Variants in PIP4P2 observed in about 807,000 individuals in gnomAD.
The protein encoded by PIP4P2 is type 2 phosphatidylinositol 4,5-bisphosphate 4-phosphatase.
A neutral mutation model predicts 33.3 loss-of-function variants in PIP4P2; 19 were observed. That is an observed-to-expected ratio of 0.57 (90% CI 0.40 to 0.84). The LOEUF (loss-of-function observed/expected upper bound fraction) is 0.84. Ranked by LOEUF, PIP4P2 falls within the 40% of genes least tolerant of loss-of-function variation. The probability of loss-of-function intolerance (pLI) is 0.00; values close to 1 mark genes in which losing one functional copy is unlikely to be tolerated. For synonymous variants in PIP4P2, 110 were observed against 111.9 expected, an observed-to-expected ratio of 0.98 and a Z score of 0.11; for missense variants, 270 against 324.7, an observed-to-expected ratio of 0.83 and a Z score of 1.29.
In PIP4P2 at chr8:90,996,644, TA is replaced by T; in HGVS notation, c.630+9del. 6.2e-7 allele frequency: 1 copy of T among 1,600,710 alleles called. No individual in the cohort carries two copies. ...AGGACAGAATTCTAACATCAAAGTG[TA>T]ACACTCACAGTTAACCCAACTCCAA... On this transcript the variant is annotated intron_variant, in intron 6 of 6. Coordinates refer to ENST00000285419, the MANE Select transcript of PIP4P2 (RefSeq NM_018710.3).
intron 5 of PIP4P2, among the ~76,000 whole-genome samples, chr8:90,998,483 A>T (rs1253723447): frequency 2.0e-5 from 3 of 152,088 alleles, no homozygotes; most frequent in Admixed American, 6.6e-5. Context: ...GCACTTATTA[A>T]TCATAAAATC....
In PIP4P2 at chr8:91,040,714, C is replaced by T; in HGVS notation, c.36G>A (p.Leu12=). The T allele has an allele frequency of 6.2e-7, 1 of 1,612,918 alleles. No individual in the cohort carries two copies. The highest frequency in any genetic ancestry group is 8.5e-7 in the Non-Finnish European group (1 of 1,180,012). The change falls in exon 1 of 7, where the codon CTG becomes CTA. Residue 12 remains leucine (L), a synonymous_variant. Coordinates refer to ENST00000285419, the MANE Select transcript of PIP4P2 (RefSeq NM_018710.3). ...AADGVDERSP[L]LSASHSGNVT... Reference sequence around the variant, plus strand: ...CATTTCCGGAGTGGGATGCTGACAGCAGAGGCGAGCGTTCGTCCACCCCAT... The same window carrying T: ...CATTTCCGGAGTGGGATGCTGACAGTAGAGGCGAGCGTTCGTCCACCCCAT...
chr8:91,037,214 G>A (rs1018872058), intron 1 of PIP4P2, among the ~76,000 whole-genome samples: 8 of 152,124 alleles, frequency 5.3e-5, no homozygotes, highest in African/African-American at 1.7e-4. Flanking sequence ...GAGAGTCTTC[G>A]GAGAATATCC....
Position 91,040,571 on chromosome 8 carries a change from G to C in PIP4P2, c.106+73C>G, listed in dbSNP as rs1200846908. On this transcript the variant is annotated intron_variant, in intron 1 of 6. Coordinates refer to ENST00000285419, the MANE Select transcript of PIP4P2 (RefSeq NM_018710.3). Reference sequence around the variant, plus strand: ...CTCCACCTCCAAGCTAGAGCTCCCAGGTCTTTATCCTTCTGGGCGTTTCCT... The same window carrying C: ...CTCCACCTCCAAGCTAGAGCTCCCACGTCTTTATCCTTCTGGGCGTTTCCT... The C allele has an allele frequency of 2.6e-6, 4 of 1,552,176 alleles. No homozygotes were observed. In the African/African-American group the frequency reaches 5.4e-5, roughly 21 times the overall value.
rs1386838919 is a variant in PIP4P2, at chr8:90,996,674, A to T, written c.610T>A (p.Phe204Ile). Reference protein sequence around the residue: ...AYITIGMICIFIGVGLTVGTP... With the variant: ...AYITIGMICIIIGVGLTVGTP... ...CTCACAGTTAACCCAACTCCAATGA[A>T]AATACATATCATTCCAATGGTAATA... Residue 204 changes from phenylalanine (F) to isoleucine (I), a missense_variant, in exon 6 of 7, where the codon TTC (phenylalanine) becomes ATC (isoleucine). Phe to Ile is a conservative substitution (Grantham distance 21). Transcript: ENST00000285419. 5 of 1,609,412 alleles carry T rather than the reference A, an allele frequency of 3.1e-6. No individual in the cohort carries two copies. Among genetic ancestry groups the T allele is most frequent in the Non-Finnish European group, 4.2e-6 (5 of 1,177,698 alleles).
intron 3 of PIP4P2, 126 bp from the exon 4 acceptor site, chr8:91,018,639 A>G (rs1373583863): frequency 7.0e-7 from 1 of 1,420,236 alleles, no homozygotes; most frequent in Non-Finnish European, 9.5e-7. Context: ...TTAAATGTCA[A>G]GCTGGAGGCA....
chr8:91,031,473 A>T (rs1812163605), intron 1 of PIP4P2, among the ~76,000 whole-genome samples: 1 of 152,198 alleles, frequency 6.6e-6, no homozygotes, highest in Non-Finnish European at 1.5e-5. Context: ...CCCCTGTGGA[A>T]ATCACATGTT....
In PIP4P2 at chr8:91,009,491, C is replaced by A. The variant is rs183336243; in HGVS notation, c.487-696G>T. ...TATATTTTGTTAAATGACTTTCTAA[C>A]AATCTTCTTCTATCTTGTTTGCTTT... On this transcript the variant is annotated intron_variant, in intron 4 of 6. Transcript: ENST00000285419. 4.8e-3 allele frequency among the ~76,000 whole-genome samples: 726 copies of A among 152,084 alleles called. 5 individuals are homozygous for A. The highest frequency in any genetic ancestry group is 8.0e-3 in the Non-Finnish European group (542 of 67,898).
At chr8:91,002,497 A>G (rs918363532) in intron 5 of PIP4P2, among the ~76,000 whole-genome samples, 2 of 152,190 alleles carry the variant, frequency 1.3e-5, no homozygotes, top group Non-Finnish European at 2.9e-5. Context: ...GGAATTTATA[A>G]GGGGAAAAGG....
intron 1 of PIP4P2, among the ~76,000 whole-genome samples, chr8:91,039,057 T>A (rs1355178043): frequency 6.6e-6 from 1 of 152,162 alleles, no homozygotes; most frequent in Non-Finnish European, 1.5e-5. Context: ...AAATAACTTA[T>A]CCACTAGTTG....
intron 4 of PIP4P2, 138 bp downstream of exon 4, chr8:91,018,252 T>A: frequency 7.4e-7 from 1 of 1,350,916 alleles, no homozygotes; most frequent in Admixed American, 2.1e-5. Flanking sequence ...CACTTCTGAT[T>A]GTCTGCCTAA....
chr8:91,034,039 T>C (rs778776359), intron 1 of PIP4P2, among the ~76,000 whole-genome samples: 1 of 151,994 alleles, frequency 6.6e-6, no homozygotes, highest in Non-Finnish European at 1.5e-5. Flanking sequence ...ATCCAACTCA[T>C]GTTTCAGGTC....
intron 4 of PIP4P2, among the ~76,000 whole-genome samples, chr8:91,015,755 T>C (rs1160213325): frequency 6.6e-6 from 1 of 152,194 alleles, no homozygotes; most frequent in Non-Finnish European, 1.5e-5. Context: ...CTGGTTTCTA[T>C]TGGCTGGAAC....
At position 91,016,174 on chromosome 8, in the gene PIP4P2, A is replaced by T. The variant is rs111969744; in HGVS notation, c.486+2216T>A. 7.2e-3 allele frequency among the ~76,000 whole-genome samples: 1,091 copies of T among 152,332 alleles called. 10 individuals are homozygous for T. Among genetic ancestry groups the T allele is most frequent in the Non-Finnish European group, 0.011 (782 of 68,022 alleles). On this transcript the variant is annotated intron_variant, in intron 4 of 6. Coordinates refer to ENST00000285419, the MANE Select transcript of PIP4P2 (RefSeq NM_018710.3). The stretch of plus-strand genomic sequence containing the variant: ...GATGTCATGAAAAAGGAATGCTATT[A>T]AAAAATCGGAGACAAACAAAGGCTC...
At chr8:91,036,573 G>T (rs1007738318) in intron 1 of PIP4P2, among the ~76,000 whole-genome samples, 3 of 152,082 alleles carry the variant, frequency 2.0e-5, no homozygotes. Context: ...CACCACCTGA[G>T]TCCAAGCTAC....
intron 5 of PIP4P2, among the ~76,000 whole-genome samples, chr8:91,007,898 G>A (rs1811783421): frequency 6.6e-6 from 1 of 152,194 alleles, no homozygotes; most frequent in Non-Finnish European, 1.5e-5. Flanking sequence ...ACCAGCTCCA[G>A]TAGAAACCTT....
intron 2 of PIP4P2, among the ~76,000 whole-genome samples, chr8:91,021,053 A>G (rs1206050572): frequency 6.6e-6 from 1 of 152,214 alleles, no homozygotes; most frequent in Non-Finnish European, 1.5e-5. Context: ...TAAATTCACC[A>G]TGAAATTCTC....
chr8:91,002,677 A>C (rs1811714564), intron 5 of PIP4P2, among the ~76,000 whole-genome samples: 1 of 152,208 alleles, frequency 6.6e-6, no homozygotes, highest in Non-Finnish European at 1.5e-5. Context: ...TCAAGGAATA[A>C]GCAGCAGAAT....
intron 1 of PIP4P2, among the ~76,000 whole-genome samples, chr8:91,030,508 T>C (rs1812148661): frequency 6.6e-6 from 1 of 152,206 alleles, no homozygotes; most frequent in Non-Finnish European, 1.5e-5. Flanking sequence ...ACCAATAATA[T>C]AATGTAGCCA....
Sources: allele counts gnomAD v4.1 joint callset (sites outside exome capture counted in the v4.1 genomes callset), GRCh38; gene constraint gnomAD v4.1.1; transcripts MANE v1.5; gene names NCBI Gene and HGNC (gene_info 2026-07-23, HGNC 2026-07-21).